The following TBC1D31 variants were observed in gnomAD, a reference collection of about 807,000 sequenced individuals.
The protein encoded by TBC1D31 is TBC1 domain family member 31, also known as WD repeat domain 67.
A neutral mutation model predicts 132.9 loss-of-function variants in TBC1D31; 99 were observed. The ratio of observed to expected loss-of-function variants is 0.74; its 90% CI spans 0.63 to 0.88. The LOEUF is 0.88. Ranked by LOEUF, TBC1D31 falls within the 40% of genes least tolerant of loss-of-function variation. The pLI is 0.00. For missense variants in TBC1D31, 1,134 were observed against 1,256.6 expected (o/e 0.90, Z 1.48); for synonymous variants, 385 against 419.4 (o/e 0.92, Z 1.00).
At position 123,130,302 on chromosome 8, in the gene TBC1D31, T is replaced by G. The variant is rs761735380; in HGVS notation, c.2375T>G (p.Leu792Arg). 1 of 1,612,744 alleles carries G rather than the reference T, an allele frequency of 6.2e-7. No homozygotes were observed. Among genetic ancestry groups the G allele is most frequent in the Non-Finnish European group, 8.5e-7 (1 of 1,179,312 alleles). The change falls in exon 16 of 22, where the codon CTA (leucine) becomes CGA (arginine). Residue 792 changes from leucine to arginine, a missense_variant. Transcript: ENST00000287380. Reference protein sequence around the residue: ...KLQQDQQEMELRRLDDEIGRK... With the variant: ...KLQQDQQEMERRRLDDEIGRK... The stretch of plus-strand genomic sequence containing the variant: ...CAGCAAGATCAACAGGAAATGGAAC[T>G]AAGAAGACTGGATGATGAAATTGGG...
intron 4 of TBC1D31, among the ~76,000 whole-genome samples, chr8:123,092,834 C>T (rs1001550288): frequency 6.1e-5 from 4 of 65,256 alleles, no homozygotes; most frequent in Non-Finnish European, 9.1e-5. Context: ...TTTTTTGAGA[C>T]GAAGGCTCAC....
the TBC1D31 span, among the ~76,000 whole-genome samples, chr8:123,158,475 G>T: frequency 6.6e-6 from 1 of 152,074 alleles, no homozygotes. Context: ...GTGCCTCCCA[G>T]GGAAAGGACG....
chr8:123,103,473 A>C (rs929634078), intron 7 of TBC1D31: 1 of 150,814 alleles, frequency 6.6e-6, no homozygotes, highest in Admixed American at 6.6e-5. Context: ...TCCAGGCTGG[A>C]GTGCAGTGGT....
chr8:123,148,709 C>T (rs922786393), intron 20 of TBC1D31, among the ~76,000 whole-genome samples: 4 of 152,180 alleles, frequency 2.6e-5, no homozygotes. Flanking sequence ...CCATTTGCTA[C>T]AAGTATTTTA....
intron 19 of TBC1D31, among the ~76,000 whole-genome samples, chr8:123,143,452 T>C (rs1821897750): frequency 6.6e-6 from 1 of 152,174 alleles, no homozygotes; most frequent in African/African-American, 2.4e-5. Context: ...TTTTGGTTGA[T>C]CCTCGCAAAG....
At chr8:123,086,442 C>G (rs1257954017) in intron 4 of TBC1D31, among the ~76,000 whole-genome samples, 2 of 152,142 alleles carry the variant, frequency 1.3e-5, no homozygotes, top group African/African-American at 4.8e-5. Flanking sequence ...AGTGCCAGAG[C>G]CGGCAGGGTG....
rs763085895 is a variant in TBC1D31 at position 123,126,636 on chromosome 8, C to T, written c.1833C>T (p.Asn611=). 5 of 1,614,094 alleles carry T rather than the reference C, an allele frequency of 3.1e-6. No individual in the cohort carries two copies. In the Admixed American group the frequency reaches 5.0e-5, roughly 16 times the overall value. The change falls in exon 13 of 22, where the codon AAC becomes AAT. Residue 611 remains asparagine (N), a synonymous_variant. Coordinates refer to ENST00000287380, the MANE Select transcript of TBC1D31 (RefSeq NM_145647.4). ...SFLLMTVVAY[N]ICSRTPLLSC... ...TTCTGATGACTGTTGTAGCCTACAA[C>T]ATATGTTCTAGAACGCCTCTGCTCA...
chr8:123,157,163 C>A, the TBC1D31 span, among the ~76,000 whole-genome samples: 82 of 152,280 alleles, frequency 5.4e-4, no homozygotes, highest in African/African-American at 2.0e-3. Flanking sequence ...GTTGTCACCC[C>A]CGGACTTTGA....
chr8:123,120,549 A>G (rs1462047843), intron 11 of TBC1D31, among the ~76,000 whole-genome samples: 1 of 152,008 alleles, frequency 6.6e-6, no homozygotes, highest in East Asian at 1.9e-4. Context: ...GTGCATGCCT[A>G]TAATCCCAGC....
the TBC1D31 span, among the ~76,000 whole-genome samples, chr8:123,161,451 T>A: frequency 6.6e-6 from 1 of 152,212 alleles, no homozygotes; most frequent in Non-Finnish European, 1.5e-5. Context: ...GTGCTTCAAT[T>A]GCCCCTCACT....
At chr8:123,083,873 A>G (rs1815443746) in intron 3 of TBC1D31, 2 of 297,840 alleles carry the variant, frequency 6.7e-6, no homozygotes, top group South Asian at 7.6e-5. Context: ...ACTCTTTTAC[A>G]TAAAATTACC....
At chr8:123,086,446 C>T (rs954955442) in intron 4 of TBC1D31, among the ~76,000 whole-genome samples, 2 of 152,166 alleles carry the variant, frequency 1.3e-5, no homozygotes, top group African/African-American at 4.8e-5. Context: ...CCAGAGCCGG[C>T]AGGGTGTGAA....
At chr8:123,133,198 A>G (rs2130839928) in intron 16 of TBC1D31, among the ~76,000 whole-genome samples, 1 of 152,374 alleles carries the variant, frequency 6.6e-6, no homozygotes, top group East Asian at 1.9e-4. Context: ...GCTGTGGCAC[A>G]TAGCTGTTTG....
downstream of TBC1D31, among the ~76,000 whole-genome samples, chr8:123,157,056 GGACACTCGGGCCGCA>G (rs1823011228): frequency 6.6e-6 from 1 of 152,208 alleles, no homozygotes; most frequent in African/African-American, 2.4e-5. Flanking sequence ...GCTCTTTCCT[GGACACTCGGGCCGCA>G]GTGCGAGGGT....
At chr8:123,090,286 G>A (rs1225427350) in intron 4 of TBC1D31, among the ~76,000 whole-genome samples, 1 of 152,220 alleles carries the variant, frequency 6.6e-6, no homozygotes, top group African/African-American at 2.4e-5. Context: ...GTATCACATA[G>A]TTTAGGAGAG....
rs767516462 is a variant in TBC1D31 at position 123,150,020 on chromosome 8, C to T, written c.2975-16C>T. ...CACTCCCAAACATCATCTTAATCTCCTCACTTTTATAACAGAAGAACCCAG... is the reference window on the plus strand; with the variant it reads ...CACTCCCAAACATCATCTTAATCTCTTCACTTTTATAACAGAAGAACCCAG... On this transcript the variant is annotated splice_polypyrimidine_tract_variant and intron_variant, in intron 20 of 21. Coordinates refer to ENST00000287380, the MANE Select transcript of TBC1D31 (RefSeq NM_145647.4). 6.9e-6 allele frequency: 11 copies of T among 1,600,666 alleles called. No individual in the cohort carries two copies. The South Asian group carries it at 9.9e-5, about 14-fold the overall frequency.
the TBC1D31 span, among the ~76,000 whole-genome samples, chr8:123,160,430 G>A: frequency 3.3e-5 from 1 of 30,696 alleles, no homozygotes; most frequent in Admixed American, 2.7e-4. Flanking sequence ...GGAGGGGAGG[G>A]AGAGGAAGAA....
chr8:123,103,868 T>A (rs1817678328), intron 7 of TBC1D31: 1 of 152,250 alleles, frequency 6.6e-6, no homozygotes, highest in Non-Finnish European at 1.5e-5. Flanking sequence ...ATGATCTTTT[T>A]TATTTTTTGA....
chr8:123,097,283 G>C lies in TBC1D31; in HGVS notation c.673G>C (p.Asp225His), dbSNP rs1024093573. 1 of 1,613,856 alleles carries C rather than the reference G, an allele frequency of 6.2e-7. No homozygotes were observed. The highest frequency in any genetic ancestry group is 1.3e-5 in the African/African-American group (1 of 74,904). ...TTTCTCACTTTTTTGTTTATATAGA[G>C]ATGGCCGAATCCTGGCTGCTGGAGG... is the stretch of plus-strand genomic sequence containing the variant. Reference protein sequence around the residue: ...ILYKVFAVTRDGRILAAGGKS... With the variant: ...ILYKVFAVTRHGRILAAGGKS... The change falls in exon 6 of 22, where the codon GAT becomes CAT. Residue 225 changes from aspartate to histidine, a missense_variant and splice_region_variant. Coordinates refer to ENST00000287380, the MANE Select transcript of TBC1D31 (RefSeq NM_145647.4).
Sources: allele counts gnomAD v4.1 joint callset (sites outside exome capture counted in the v4.1 genomes callset), GRCh38; gene constraint gnomAD v4.1.1; transcripts MANE v1.5; gene names NCBI Gene and HGNC (gene_info 2026-07-23, HGNC 2026-07-21).